Variants in ZNF777 observed in about 807,000 individuals in gnomAD.
The protein encoded by ZNF777 is zinc finger protein 777.
ZNF777 carries 7 observed loss-of-function variants against 72.1 expected under a neutral mutation model. The ratio of observed to expected loss-of-function variants is 0.10; its 90% CI spans 0.06 to 0.18. ZNF777 has a LOEUF of 0.18. Ranked by LOEUF, ZNF777 falls within the 10% of genes least tolerant of loss-of-function variation. ZNF777 has a pLI of 1.00. For missense variants in ZNF777, 828 were observed against 1,128.6 expected, an observed-to-expected ratio of 0.73 and a Z score of 3.82; for synonymous variants, 545 against 483.5, an observed-to-expected ratio of 1.13 and a Z score of -1.67.
At chr7:149,437,356 C>T (rs1305262172) in intron 4 of ZNF777, among the ~76,000 whole-genome samples, 1 of 152,196 alleles carries the variant, frequency 6.6e-6, no homozygotes, top group Non-Finnish European at 1.5e-5. Flanking sequence ...CAGTTTCTCT[C>T]TCATCTGCTC....
chr7:149,457,622 C>T (rs1384810865), intron 1 of ZNF777, among the ~76,000 whole-genome samples: 8 of 152,314 alleles, frequency 5.3e-5, no homozygotes, highest in African/African-American at 1.9e-4. Context: ...TTAACTGTGA[C>T]AGCATCACAC....
intron 4 of ZNF777, among the ~76,000 whole-genome samples, chr7:149,447,483 C>T (rs949584611): frequency 8.5e-5 from 13 of 152,200 alleles, no homozygotes; most frequent in African/African-American, 3.1e-4. Context: ...TTACTTAAGC[C>T]AGAGGCCTGG....
chr7:149,454,366 G>C (rs1799781005), intron 2 of ZNF777, 129 bp from the exon 3 acceptor site: 2 of 1,168,416 alleles, frequency 1.7e-6, no homozygotes, highest in Non-Finnish European at 2.4e-6. Flanking sequence ...TCTGGCCACT[G>C]TCCTGGCCCC....
In ZNF777 at chr7:149,455,388, C is replaced by T; in HGVS notation, c.635G>A (p.Arg212Lys). ...TATCTTCTTTTCATTTGTCCCCGTC[C>T]TGCCTTCCAGGGTCAGTAGCCTCAT... ...QAMRLLTLEG[R>K]TGTNEKKIAD... The change falls in exon 2 of 6, where the codon AGG becomes AAG. Residue 212 changes from arginine (R) to lysine (K), a missense_variant. Physicochemically the swap from Arg to Lys is conservative, Grantham distance 26 (BLOSUM62 2). This residue lies in a region of ZNF777 where 76 missense variants were observed against 157.3 expected (regional missense o/e 0.48). Transcript: ENST00000247930. This position sits in a 1 kb window ranked among gnomAD's most constrained non-coding sequence, Gnocchi z 4.2. The T allele has an allele frequency of 6.2e-7, 1 of 1,614,236 alleles. No homozygotes were observed. The highest frequency in any genetic ancestry group is 8.5e-7 in the Non-Finnish European group (1 of 1,180,050).
intron 4 of ZNF777, among the ~76,000 whole-genome samples, chr7:149,444,763 C>T (rs980594162): frequency 6.6e-6 from 1 of 152,236 alleles, no homozygotes; most frequent in Non-Finnish European, 1.5e-5. Context: ...TTCTAATTCT[C>T]ATTTCTTCGC....
At chr7:149,458,912 C>T (rs934704430) in intron 1 of ZNF777, among the ~76,000 whole-genome samples, 6 of 152,186 alleles carry the variant, frequency 3.9e-5, no homozygotes, top group African/African-American at 1.4e-4. Flanking sequence ...TTTAACGGTC[C>T]CTCCTTCCCC....
At chr7:149,442,302 C>CACACAG (rs1349723359) in intron 4 of ZNF777, among the ~76,000 whole-genome samples, 1 of 147,996 alleles carries the variant, frequency 6.8e-6, no homozygotes, top group African/African-American at 2.5e-5. Flanking sequence ...CACACACACA[C>CACACAG]AGACACACAC....
chr7:149,453,136 A>G (rs975576713), intron 3 of ZNF777, among the ~76,000 whole-genome samples: 1 of 152,240 alleles, frequency 6.6e-6, no homozygotes, highest in African/African-American at 2.4e-5. Context: ...ATATCTGCAC[A>G]TGCAAAAAAA....
intron 4 of ZNF777, among the ~76,000 whole-genome samples, chr7:149,447,403 C>T (rs1354652783): frequency 6.6e-6 from 1 of 152,186 alleles, no homozygotes; most frequent in African/African-American, 2.4e-5. Flanking sequence ...GGATCTCAAA[C>T]CTAATGTGTT....
At position 149,432,903 on chromosome 7, in the gene ZNF777, C is replaced by T. The variant is rs1799346954; in HGVS notation, c.1369G>A (p.Asp457Asn). 6.6e-7 allele frequency: 1 copy of T among 1,514,704 alleles called. No individual in the cohort carries two copies. The highest frequency in any genetic ancestry group is 1.4e-5 in the African/African-American group (1 of 72,162). The allele number at this position is 1,514,704 out of a possible 1,614,324, so 93.8% of individuals were successfully genotyped here. Residue 457 changes from aspartate to asparagine, a missense_variant, in exon 6 of 6, where the codon GAC becomes AAC. Around this residue, in one of 12 missense-constraint regions of ZNF777, gnomAD observed 219 missense variants for 223.0 expected, o/e 0.98. Transcript: ENST00000247930. Reference sequence around the variant, plus strand: ...TCCTCCTCCTCTTCTTCCTCCTCGTCTTGTTCCTCTGTCTTGATCACGATC... The same window carrying T: ...TCCTCCTCCTCTTCTTCCTCCTCGTTTTGTTCCTCTGTCTTGATCACGATC... ...EGIVIKTEEQ[D>N]EEEEEEEEDE...
chr7:149,446,363 G>A (rs1799602678), intron 4 of ZNF777, among the ~76,000 whole-genome samples: 2 of 151,754 alleles, frequency 1.3e-5, no homozygotes, highest in African/African-American at 2.4e-5. Flanking sequence ...CAACAAGAGC[G>A]AAACTCCATC....
At position 149,455,640 on chromosome 7, in the gene ZNF777, G is replaced by A. The variant is rs779062163; in HGVS notation, c.383C>T (p.Pro128Leu). 6.3e-7 allele frequency: 1 copy of A among 1,576,638 alleles called. No individual in the cohort carries two copies. Among genetic ancestry groups the A allele is most frequent in the Non-Finnish European group, 8.6e-7 (1 of 1,162,554 alleles). ...CTCAGGAGCTTCAGGGGAGTGAACGGGGGCTTCCTGGTGGTGGGGGGAGTG... is the reference window on the plus strand; with the variant it reads ...CTCAGGAGCTTCAGGGGAGTGAACGAGGGCTTCCTGGTGGTGGGGGGAGTG... ...LSHSPHHQEA[P>L]VHSPEAPEKD... Residue 128 changes from proline (P) to leucine (L), a missense_variant, in exon 2 of 6, where the codon CCC (proline) becomes CTC (leucine). This residue lies in a region of ZNF777 where 222 missense variants were observed against 211.2 expected (regional missense o/e 1.05). Transcript: ENST00000247930. This position sits in a 1 kb window ranked among gnomAD's most constrained non-coding sequence, Gnocchi z 4.2.
Position 149,431,475 on chromosome 7 carries a change from C to T in ZNF777, c.*301G>A, listed in dbSNP as rs1004691281. On this transcript the variant is annotated 3_prime_UTR_variant, in exon 6 of 6. Transcript: ENST00000247930. ...CTACACCGCCCCTCTGAGTGGCCGG[C>T]GGCCAAATCACGCCCCCCGTGCTGA... is the stretch of plus-strand genomic sequence containing the variant. 4 of 446,950 alleles carry T rather than the reference C, an allele frequency of 8.9e-6. No individual in the cohort carries two copies. Among genetic ancestry groups the T allele is most frequent in the East Asian group, 1.5e-4 (2 of 13,276 alleles). The allele number at this position is 446,950 out of a possible 1,614,324, so 27.7% of individuals were successfully genotyped here.
At chr7:149,433,077 G>A in intron 5 of ZNF777, 145 bp from the exon 6 acceptor site, 1 of 1,293,886 alleles carries the variant, frequency 7.7e-7, no homozygotes, top group Non-Finnish European at 1.0e-6. Flanking sequence ...TCCCCTCATT[G>A]CGTCCCCTGG....
intron 4 of ZNF777, among the ~76,000 whole-genome samples, chr7:149,441,574 G>A (rs1008359960): frequency 1.3e-5 from 2 of 152,022 alleles, no homozygotes; most frequent in African/African-American, 4.8e-5. Flanking sequence ...GTAGCTTGCT[G>A]TTGCCATCAT....
intron 3 of ZNF777, 48 bp downstream of exon 3, chr7:149,454,063 T>C (rs1308743091): frequency 1.9e-6 from 3 of 1,610,242 alleles, no homozygotes; most frequent in Non-Finnish European, 2.5e-6. Flanking sequence ...TGAATGCACT[T>C]TGAGCTGGCG....
Position 149,460,138 on chromosome 7 carries a change from C to T in ZNF777, c.-16+677G>A. ...CCGCCCTCACAGGAGCCGGGGCCGC[C>T]TCGGCCATGGCCCTGCGCTGTCCGG... On this transcript the variant is annotated intron_variant, in intron 1 of 5. Coordinates refer to ENST00000247930, the MANE Select transcript of ZNF777 (RefSeq NM_015694.3). This position sits in a 1 kb window ranked among gnomAD's most constrained non-coding sequence, Gnocchi z 6.1. 4 of 979,918 alleles carry T rather than the reference C, an allele frequency of 4.1e-6. No individual in the cohort carries two copies. The highest frequency in any genetic ancestry group is 4.8e-6 in the Non-Finnish European group (4 of 827,102). 60.7% of individuals were successfully genotyped at this position (979,918 alleles called of 1,614,324 possible). A position where few individuals can be genotyped will look rare whatever the true frequency, so the allele number is the denominator to read the frequency against.
At chr7:149,458,114 ATAT>A (rs1287091259) in intron 1 of ZNF777, among the ~76,000 whole-genome samples, 1 of 152,196 alleles carries the variant, frequency 6.6e-6, no homozygotes, top group Non-Finnish European at 1.5e-5. Flanking sequence ...GCCTTTAGAG[ATAT>A]TATCATTTAA....
chr7:149,455,549 C>A lies in ZNF777; in HGVS notation c.474G>T (p.Pro158=). The A allele has an allele frequency of 6.2e-7, 1 of 1,613,144 alleles. No individual in the cohort carries two copies. The highest frequency in any genetic ancestry group is 8.5e-7 in the Non-Finnish European group (1 of 1,179,916). ...ETDMDPLLQS[P]VSQKDTPFQI... is the part of the protein sequence containing the mutation. The stretch of plus-strand genomic sequence containing the variant: ...GGAAAGGGGTGTCCTTTTGGGAAAC[C>A]GGGCTCTGGAGCAGCGGGTCCATGT... Residue 158 remains proline, a synonymous_variant, in exon 2 of 6, where the codon CCG becomes CCT. Coordinates refer to ENST00000247930, the MANE Select transcript of ZNF777 (RefSeq NM_015694.3). This position sits in a 1 kb window ranked among gnomAD's most constrained non-coding sequence, Gnocchi z 4.2.
Sources: gnomAD v4.1 joint callset for allele counts (sites outside exome capture counted in the v4.1 genomes callset) on GRCh38, gnomAD v4.1.1 for gene constraint, gnomAD v4.1.1 regional missense constraint, Gnocchi (gnomAD v3.1) non-coding constraint, MANE v1.5 for transcripts, NCBI Gene and HGNC (gene_info 2026-07-23, HGNC 2026-07-21) for gene names.